Variants in GRID1 observed in about 807,000 individuals in gnomAD.
The protein encoded by GRID1 is glutamate receptor ionotropic, delta-1.
A neutral mutation model predicts 98.0 loss-of-function variants in GRID1; 28 were observed. The observed-to-expected ratio is 0.29, with a 90% CI of 0.21 to 0.39. The LOEUF is 0.39. GRID1 is among the 10% of genes least tolerant of loss of function. The probability of loss-of-function intolerance (pLI) is 1.00; values close to 1 mark genes in which losing one functional copy is unlikely to be tolerated. For synonymous variants in GRID1, 553 were observed against 538.5 expected, an observed-to-expected ratio of 1.03 and a Z score of -0.37; for missense variants, 1,111 against 1,340.5, an observed-to-expected ratio of 0.83 and a Z score of 2.67.
chr10:85,613,258 T>C (rs998425036), intron 15 of GRID1, 149 bp downstream of exon 15: 1 of 773,144 alleles, frequency 1.3e-6, no homozygotes, highest in Admixed American at 3.0e-5. Context: ...AATAAAACAA[T>C]AACAAAATCC....
At chr10:86,032,286 G>A (rs1043151931) in intron 4 of GRID1, among the ~76,000 whole-genome samples, 1 of 152,166 alleles carries the variant, frequency 6.6e-6, no homozygotes, top group South Asian at 2.1e-4. Context: ...CTGGGAGGTG[G>A]GGGGCCCCTC....
chr10:86,230,500 T>G (rs1846433669), intron 2 of GRID1, among the ~76,000 whole-genome samples: 1 of 152,202 alleles, frequency 6.6e-6, no homozygotes, highest in Non-Finnish European at 1.5e-5. Flanking sequence ...CGGCTTCTCC[T>G]GATCAGCTCT....
In GRID1 at chr10:86,194,236, T is replaced by A. The variant is rs181053420; in HGVS notation, c.520+12128A>T. Among the ~76,000 whole-genome samples, 4 of 152,200 alleles carry A rather than the reference T, an allele frequency of 2.6e-5. No individual in the cohort carries two copies. The South Asian group carries it at 8.3e-4, about 32-fold the overall frequency. On this transcript the variant is annotated intron_variant, in intron 3 of 15. Transcript: ENST00000327946. ...TTAGAGATACATGCATGAGGATGTATCCACGGCTGCGCACTACAGCCCTGT... is the reference window on the plus strand; with the variant it reads ...TTAGAGATACATGCATGAGGATGTAACCACGGCTGCGCACTACAGCCCTGT...
intron 2 of GRID1, among the ~76,000 whole-genome samples, chr10:86,258,150 C>T (rs1846955066): frequency 6.6e-6 from 1 of 152,128 alleles, no homozygotes; most frequent in Non-Finnish European, 1.5e-5. Flanking sequence ...TCCCTACAGT[C>T]CAGTTTCAAA....
chr10:85,785,423 G>A (rs565210852), intron 8 of GRID1, among the ~76,000 whole-genome samples: 31 of 152,254 alleles, frequency 2.0e-4, no homozygotes, highest in Non-Finnish European at 2.6e-4. Flanking sequence ...CCACGGACGC[G>A]GAAAGAGACA....
At chr10:85,885,224 C>T (rs1841094941) in intron 5 of GRID1, among the ~76,000 whole-genome samples, 1 of 152,176 alleles carries the variant, frequency 6.6e-6, no homozygotes, top group African/African-American at 2.4e-5. Flanking sequence ...AGCCAATCCT[C>T]ACATCCTCCC....
intron 4 of GRID1, among the ~76,000 whole-genome samples, chr10:86,068,583 C>T (rs968191811): frequency 2.0e-5 from 3 of 152,200 alleles, no homozygotes; most frequent in African/African-American, 4.8e-5. Context: ...AATGTTCCCA[C>T]GTGGGGCTCC....
intron 3 of GRID1, among the ~76,000 whole-genome samples, chr10:86,146,497 C>T (rs375019147): frequency 9.2e-5 from 14 of 152,168 alleles, no homozygotes; most frequent in Admixed American, 3.9e-4. Context: ...TCTGCCATTT[C>T]CAAGGGAACC....
At chr10:85,755,406 G>A (rs2949376) in intron 8 of GRID1, among the ~76,000 whole-genome samples, 62,255 of 151,992 alleles carry the variant, frequency 0.41, 14,085 homozygotes, top group East Asian at 0.74. Flanking sequence ...GTTCTTCAGC[G>A]CCTGCCCAGT....
chr10:86,000,972 A>G (rs939765797), intron 4 of GRID1, among the ~76,000 whole-genome samples: 2 of 152,224 alleles, frequency 1.3e-5, no homozygotes, highest in African/African-American at 4.8e-5. Context: ...TGAATGGAGA[A>G]ACCAACTATG....
At chr10:85,772,452 A>C (rs1029353888) in intron 8 of GRID1, among the ~76,000 whole-genome samples, 1 of 151,212 alleles carries the variant, frequency 6.6e-6, no homozygotes, top group African/African-American at 2.5e-5. Context: ...AGCTAGCAGA[A>C]GGCAAGAAAT....
At chr10:86,355,254 C>A (rs112131426) in intron 2 of GRID1, among the ~76,000 whole-genome samples, 28 of 152,358 alleles carry the variant, frequency 1.8e-4, no homozygotes, top group African/African-American at 6.5e-4. Flanking sequence ...TGTGAGACAG[C>A]CACCACACTC....
intron 4 of GRID1, among the ~76,000 whole-genome samples, chr10:86,086,479 C>T (rs1043985856): frequency 2.6e-5 from 4 of 152,172 alleles, no homozygotes; most frequent in African/African-American, 9.7e-5. Flanking sequence ...GGAAAGCGAG[C>T]CCAGGGAGAC....
At chr10:85,707,530 T>A (rs1402024604) in intron 12 of GRID1, among the ~76,000 whole-genome samples, 2 of 152,176 alleles carry the variant, frequency 1.3e-5, no homozygotes, top group Non-Finnish European at 2.9e-5. Context: ...GTAAACTAGT[T>A]CAGCCATTGT....
At chr10:85,663,869 G>A (rs1176920314) in intron 12 of GRID1, among the ~76,000 whole-genome samples, 1 of 152,198 alleles carries the variant, frequency 6.6e-6, no homozygotes, top group East Asian at 1.9e-4. Context: ...TGTTACTGTA[G>A]CACTGTTACT....
At chr10:85,995,081 T>TTATTTTTAACA (rs768151314) in intron 4 of GRID1, among the ~76,000 whole-genome samples, 1 of 152,230 alleles carries the variant, frequency 6.6e-6, no homozygotes, top group Non-Finnish European at 1.5e-5. Flanking sequence ...GATTTTTATG[T>TTATTTTTAACA]TAAAAGTTAT....
intron 13 of GRID1, among the ~76,000 whole-genome samples, chr10:85,628,904 G>A (rs570721413): frequency 6.6e-6 from 1 of 152,296 alleles, no homozygotes; most frequent in African/African-American, 2.4e-5. Context: ...TCTAGCAGTG[G>A]GAAGGCCTCT....
At chr10:85,910,737 A>G (rs1424486546) in intron 5 of GRID1, among the ~76,000 whole-genome samples, 3 of 152,192 alleles carry the variant, frequency 2.0e-5, no homozygotes, top group African/African-American at 7.2e-5. Flanking sequence ...CATGCTAGGA[A>G]CTTTAGGGAA....
chr10:86,092,923 G>A (rs149310388), intron 4 of GRID1, among the ~76,000 whole-genome samples: 110 of 152,210 alleles, frequency 7.2e-4, no homozygotes, highest in African/African-American at 2.5e-3. Context: ...TCCAGCAACC[G>A]CAGAATACAC....
Sources: gnomAD v4.1 joint callset for allele counts (sites outside exome capture counted in the v4.1 genomes callset) on GRCh38, gnomAD v4.1.1 for gene constraint, MANE v1.5 for transcripts, NCBI Gene and HGNC (gene_info 2026-07-23, HGNC 2026-07-21) for gene names.